Variants in SIRPG observed in about 807,000 individuals in gnomAD.
The protein encoded by SIRPG is signal-regulatory protein gamma.
In SIRPG, 38 loss-of-function variants were observed where a neutral mutation model predicts 35.7. The ratio of observed to expected loss-of-function variants is 1.06; its 90% CI spans 0.82 to 1.40. The LOEUF (loss-of-function observed/expected upper bound fraction) is 1.40. Ranked by LOEUF, SIRPG falls within the 40% of genes most tolerant of loss-of-function variation. The pLI is 0.00. For synonymous variants in SIRPG, 215 were observed against 190.4 expected (o/e 1.13, Z -1.06); for missense variants, 519 against 483.0 (o/e 1.07, Z -0.70).
chr20:1,630,413 C>T, intron 4 of SIRPG, 107 bp from the exon 5 acceptor site: 4 of 785,180 alleles, frequency 5.1e-6, no homozygotes, highest in Non-Finnish European at 8.2e-6. Flanking sequence ...CTATGCCCCA[C>T]CTTTGAACCT....
At chr20:1,639,184 A>T (rs531868556) in intron 2 of SIRPG, among the ~76,000 whole-genome samples, 38 of 152,248 alleles carry the variant, frequency 2.5e-4, no homozygotes, top group South Asian at 1.5e-3. Flanking sequence ...TTGATCCTTA[A>T]GGAGTCACCA....
the SIRPG span, among the ~76,000 whole-genome samples, chr20:1,672,735 C>A: frequency 8.3e-6 from 1 of 119,964 alleles, no homozygotes; most frequent in African/African-American, 2.8e-5. Flanking sequence ...GCTTTTCGGC[C>A]AATCATTTGT....
intron 2 of SIRPG, among the ~76,000 whole-genome samples, chr20:1,639,498 T>A (rs1392553612): frequency 6.6e-6 from 1 of 152,232 alleles, no homozygotes; most frequent in Non-Finnish European, 1.5e-5. Flanking sequence ...TTTGTTTAAG[T>A]TCCTTGTAGA....
At chr20:1,678,034 G>T in the SIRPG span, among the ~76,000 whole-genome samples, 2 of 152,180 alleles carry the variant, frequency 1.3e-5, no homozygotes, top group Non-Finnish European at 2.9e-5. Flanking sequence ...GCATCATGTG[G>T]TACACCTTAC....
At chr20:1,664,728 T>A in the SIRPG span, among the ~76,000 whole-genome samples, 2 of 152,194 alleles carry the variant, frequency 1.3e-5, no homozygotes, top group Admixed American at 6.5e-5. Flanking sequence ...GAGCCTGTTA[T>A]GTTCCCGGTG....
At chr20:1,669,379 A>C in the SIRPG span, among the ~76,000 whole-genome samples, 2 of 152,198 alleles carry the variant, frequency 1.3e-5, no homozygotes, top group Non-Finnish European at 2.9e-5. Flanking sequence ...GCACGTAGTA[A>C]ATGTGCAGAG....
At chr20:1,667,691 AGT>A in the SIRPG span, among the ~76,000 whole-genome samples, 1 of 152,206 alleles carries the variant, frequency 6.6e-6, no homozygotes, top group Non-Finnish European at 1.5e-5. Context: ...TGTTCTGGGC[AGT>A]CCTCTGGGTG....
rs78053816 is a variant in SIRPG, at chr20:1,635,288, G to T, written c.1060C>A (p.Gln354Lys). The T allele has an allele frequency of 1.0e-3, 1,652 of 1,612,136 alleles. 26 individuals carry two copies. The East Asian group carries it at 0.029, about 29-fold the overall frequency. Residue 354 changes from glutamine to lysine, a missense_variant, in exon 4 of 6, where the codon CAG (glutamine) becomes AAG (lysine). By Grantham distance (53) the Gln-to-Lys change is moderately conservative. Coordinates refer to ENST00000303415, the MANE Select transcript of SIRPG (RefSeq NM_018556.4). ...TCACCAGGGGTAGCATCTGAGCTCTGGTCCTTCTGGTGGACTGTGACCTCT... is the reference window on the plus strand; with the variant it reads ...TCACCAGGGGTAGCATCTGAGCTCTTGTCCTTCTGGTGGACTGTGACCTCT... ...ALEVTVHQKD[Q>K]SSDATPGPAS...
chr20:1,658,475 T>A (rs997798485), upstream of SIRPG, among the ~76,000 whole-genome samples: 5 of 152,104 alleles, frequency 3.3e-5, no homozygotes, highest in African/African-American at 9.7e-5. Flanking sequence ...GGCCGTCGCA[T>A]CAATTTCAAT....
chr20:1,629,797 G>C (rs576737230), intron 5 of SIRPG, among the ~76,000 whole-genome samples, 161 bp from the exon 6 acceptor site: 92 of 152,112 alleles, frequency 6.0e-4, no homozygotes, highest in Non-Finnish European at 1.1e-3. Flanking sequence ...GCCAAGTCCT[G>C]ATGCCCTTTC....
intron 1 of SIRPG, among the ~76,000 whole-genome samples, chr20:1,651,740 A>G (rs1227742357): frequency 6.6e-6 from 1 of 151,368 alleles, no homozygotes; most frequent in African/African-American, 2.4e-5. Context: ...TTTTGCCCTG[A>G]TGCCTTTCTT....
At chr20:1,660,229 A>T (rs1053645961), upstream of SIRPG, among the ~76,000 whole-genome samples, 24 of 152,248 alleles carry the variant, frequency 1.6e-4, no homozygotes, top group Middle Eastern at 6.8e-3. Context: ...GAAATTTTTT[A>T]AAAAAACTTA....
the SIRPG span, among the ~76,000 whole-genome samples, chr20:1,683,799 C>T: frequency 2.0e-5 from 3 of 152,016 alleles, no homozygotes; most frequent in Admixed American, 6.6e-5. Context: ...GAAACCCCGT[C>T]ACTACTAAAA....
In SIRPG at chr20:1,649,199, TGA is replaced by T. The variant is rs1427314876; in HGVS notation, c.281_282del (p.Leu94HisfsTer14). ...GAAAAGTCCATGTTGTTTCTCTTTG[TGA>T]GGTCTGAAACTGTTGTTACCCTGGG... is the stretch of plus-strand genomic sequence containing the variant. The part of the protein sequence containing the change: ...HFPRVTTVSD[L>X]TKRNNMDFSI... On this transcript the variant is annotated frameshift_variant, in exon 2 of 6. Transcript: ENST00000303415. LOFTEE classifies it high-confidence loss of function. 1.2e-6 allele frequency: 2 copies of T among 1,614,042 alleles called. No individual in the cohort carries two copies. The highest frequency in any genetic ancestry group is 2.7e-5 in the African/African-American group (2 of 74,912).
At chr20:1,630,921 A>G (rs2091744675) in intron 4 of SIRPG, 1 of 152,184 alleles carries the variant, frequency 6.6e-6, no homozygotes, top group Non-Finnish European at 1.5e-5. Context: ...ACTGGACATA[A>G]TGAAACCTTC....
the SIRPG span, chr20:1,671,073 AT>A: frequency 4.7e-6 from 2 of 426,770 alleles, no homozygotes; most frequent in South Asian, 1.9e-5. Flanking sequence ...GCTCATTCCT[AT>A]TTTTGGACCA....
chr20:1,643,927 A>G (rs1418186765), intron 2 of SIRPG, among the ~76,000 whole-genome samples: 2 of 152,116 alleles, frequency 1.3e-5, no homozygotes, highest in Non-Finnish European at 2.9e-5. Context: ...AGAACGGCAA[A>G]GATGGGTGCC....
At chr20:1,640,091 C>A (rs555215101) in intron 2 of SIRPG, among the ~76,000 whole-genome samples, 16 of 152,088 alleles carry the variant, frequency 1.1e-4, no homozygotes, top group Admixed American at 7.8e-4. Flanking sequence ...TTAGGATTGT[C>A]TTGGCTATAC....
chr20:1,658,000 A>G (rs1346146437), upstream of SIRPG, among the ~76,000 whole-genome samples: 1 of 152,084 alleles, frequency 6.6e-6, no homozygotes, highest in East Asian at 1.9e-4. Context: ...CGTGTCCCCA[A>G]ACCCATTTTC....
Sources: gnomAD v4.1 joint callset for allele counts (sites outside exome capture counted in the v4.1 genomes callset) on GRCh38, gnomAD v4.1.1 for gene constraint, MANE v1.5 for transcripts, NCBI Gene and HGNC (gene_info 2026-07-23, HGNC 2026-07-21) for gene names.